Variants in RPS6KA1 observed in about 807,000 individuals in gnomAD.
The protein encoded by RPS6KA1 is ribosomal protein S6 kinase alpha-1.
RPS6KA1 carries 48 observed loss-of-function variants against 91.3 expected under a neutral mutation model. The ratio of observed to expected loss-of-function variants is 0.53; its 90% CI spans 0.42 to 0.67. The LOEUF (loss-of-function observed/expected upper bound fraction) is 0.67. Ranked by LOEUF, RPS6KA1 falls within the 30% of genes least tolerant of loss-of-function variation. The probability of loss-of-function intolerance (pLI) is 0.00; values close to 1 mark genes in which losing one functional copy is unlikely to be tolerated. For synonymous variants in RPS6KA1, 359 were observed against 384.7 expected (o/e 0.93, Z 0.78); for missense variants, 719 against 960.5 (o/e 0.75, Z 3.32).
In RPS6KA1 at chr1:26,571,271, G is replaced by T; in HGVS notation, c.1591-178G>T. 1 of 622,678 alleles carries T rather than the reference G, an allele frequency of 1.6e-6. No homozygotes were observed. Among genetic ancestry groups the T allele is most frequent in the Non-Finnish European group, 2.8e-6 (1 of 351,864 alleles). The allele number at this position is 622,678 out of a possible 1,614,324, so 38.6% of individuals were successfully genotyped here. A position where few individuals can be genotyped will look rare whatever the true frequency, so the allele number is the denominator to read the frequency against. ...AGAGCTACCTGTAGACACCTACACA[G>T]AGTCAGTAGCAGCAGCAATAAGACC... On this transcript the variant is annotated intron_variant, in intron 17 of 21. Coordinates refer to ENST00000374168, the MANE Select transcript of RPS6KA1 (RefSeq NM_002953.4). The surrounding 1 kb of genome is among the most constrained non-coding windows in gnomAD (Gnocchi z 5.1).
At chr1:26,536,282 C>T (rs1342168182) in intron 1 of RPS6KA1, among the ~76,000 whole-genome samples, 1 of 152,046 alleles carries the variant, frequency 6.6e-6, no homozygotes, top group Non-Finnish European at 1.5e-5. Flanking sequence ...CCTCGTGGGA[C>T]TCCCCATTTA....
At chr1:26,573,977 G>A in intron 21 of RPS6KA1, 102 bp from the exon 22 acceptor site, 1 of 1,339,044 alleles carries the variant, frequency 7.5e-7, no homozygotes. Flanking sequence ...AAAAAAAGTG[G>A]GCTGTGGAAC....
chr1:26,550,853 T>C (rs2076043512), intron 4 of RPS6KA1, among the ~76,000 whole-genome samples: 1 of 152,034 alleles, frequency 6.6e-6, no homozygotes, highest in Admixed American at 6.6e-5. Context: ...CCCAATAACT[T>C]GTATTATTTA....
At chr1:26,545,486 C>T (rs4255421) in intron 2 of RPS6KA1, among the ~76,000 whole-genome samples, 3,180 of 151,760 alleles carry the variant, frequency 0.021, 109 homozygotes, top group African/African-American at 0.073. Flanking sequence ...CTGTTTCCAC[C>T]TGTTGGGTGC....
rs772653965 is a variant in RPS6KA1, at chr1:26,547,284, C to T, written c.307+14C>T. ...CAACGCTGAAAGGTGAGTGGGGACA[C>T]CTCCCTGTGCAGAACCCAGGCTTGG... is the stretch of plus-strand genomic sequence containing the variant. On this transcript the variant is annotated intron_variant, in intron 4 of 21. Coordinates refer to ENST00000374168, the MANE Select transcript of RPS6KA1 (RefSeq NM_002953.4). The surrounding 1 kb of genome is among the most constrained non-coding windows in gnomAD (Gnocchi z 4.1). 1 of 1,610,344 alleles carries T rather than the reference C, an allele frequency of 6.2e-7. No homozygotes were observed. The highest frequency in any genetic ancestry group is 1.3e-5 in the African/African-American group (1 of 74,820).
intron 17 of RPS6KA1, among the ~76,000 whole-genome samples, chr1:26,566,279 C>CTTTTTT (rs371340177): frequency 7.1e-5 from 7 of 97,944 alleles, no homozygotes; most frequent in Admixed American, 1.2e-4. Context: ...CTCATTGTAG[C>CTTTTTT]TTTTTTTTTT....
intron 2 of RPS6KA1, among the ~76,000 whole-genome samples, chr1:26,541,682 T>C (rs939307376): frequency 6.6e-6 from 1 of 152,256 alleles, no homozygotes; most frequent in Non-Finnish European, 1.5e-5. Context: ...GCCAGGGAGC[T>C]GTGGACCCCT....
In RPS6KA1 at chr1:26,574,233, C is replaced by G; in HGVS notation, c.*32C>G. On this transcript the variant is annotated 3_prime_UTR_variant, in exon 22 of 22. Transcript: ENST00000374168. This position sits in a 1 kb window ranked among gnomAD's most constrained non-coding sequence, Gnocchi z 4.3. The stretch of plus-strand genomic sequence containing the variant: ...AGGGCATTCGGGCCACAGGGCGGTG[C>G]TAGCTTGACACAGTCAGCATGCTTC... 6.2e-7 allele frequency: 1 copy of G among 1,613,274 alleles called. No homozygotes were observed. The highest frequency in any genetic ancestry group is 8.5e-7 in the Non-Finnish European group (1 of 1,179,418).
intron 17 of RPS6KA1, among the ~76,000 whole-genome samples, chr1:26,562,019 A>G (rs534585335): frequency 6.6e-5 from 10 of 152,090 alleles, no homozygotes; most frequent in Non-Finnish European, 1.5e-4. Context: ...CCTGGCCAAC[A>G]TGGTGAAACC....
chr1:26,564,651 C>G (rs2076183533), intron 17 of RPS6KA1, among the ~76,000 whole-genome samples: 1 of 152,178 alleles, frequency 6.6e-6, no homozygotes, highest in East Asian at 1.9e-4. Flanking sequence ...CAGAATCTTG[C>G]ATGAGTCGAG....
chr1:26,547,014 A>T lies in RPS6KA1; in HGVS notation c.225+31A>T, dbSNP rs936044796. 1 of 1,588,738 alleles carries T rather than the reference A, an allele frequency of 6.3e-7. No individual in the cohort carries two copies. On this transcript the variant is annotated intron_variant, in intron 3 of 21. Coordinates refer to ENST00000374168, the MANE Select transcript of RPS6KA1 (RefSeq NM_002953.4). The surrounding 1 kb of genome is among the most constrained non-coding windows in gnomAD (Gnocchi z 4.1). ...TCATGAGCCCATAGCTGTGAAGGCA[A>T]CACTCGTCATGTTAGAGGTGGGGGT...
chr1:26,574,636 G>C lies in RPS6KA1; in HGVS notation c.*435G>C. 2.7e-6 allele frequency: 1 copy of C among 367,580 alleles called. No individual in the cohort carries two copies. Among genetic ancestry groups the C allele is most frequent in the Non-Finnish European group, 5.3e-6 (1 of 187,694 alleles). 22.8% of individuals were successfully genotyped at this position (367,580 alleles called of 1,614,324 possible). ...TGTAGCCATCTGCACACACCTCCGA[G>C]ACAGTCCAGTGTCACCTCTCTCAGA... On this transcript the variant is annotated 3_prime_UTR_variant, in exon 22 of 22. Coordinates refer to ENST00000374168, the MANE Select transcript of RPS6KA1 (RefSeq NM_002953.4). This position sits in a 1 kb window ranked among gnomAD's most constrained non-coding sequence, Gnocchi z 4.3.
intron 2 of RPS6KA1, chr1:26,545,874 C>G (rs759700029): frequency 2.1e-5 from 32 of 1,551,940 alleles, no homozygotes; most frequent in Non-Finnish European, 2.8e-5. Flanking sequence ...CCTGCTCCTG[C>G]CATGGTGCCG....
chr1:26,552,643 C>T (rs1481848840), intron 6 of RPS6KA1, among the ~76,000 whole-genome samples: 1 of 151,188 alleles, frequency 6.6e-6, no homozygotes, highest in Non-Finnish European at 1.5e-5. Flanking sequence ...CACGCCACCA[C>T]GCCTGGTTAA....
rs759252673 is a variant in RPS6KA1 at position 26,571,832 on chromosome 1, C to T, written c.1753-17C>T. ...ACTGCCCCCCCAGACTGACCACCTC[C>T]CCTGCCCTGTTGCCAGGTGCTGAAG... On this transcript the variant is annotated splice_polypyrimidine_tract_variant and intron_variant, in intron 18 of 21. Transcript: ENST00000374168. The surrounding 1 kb of genome is among the most constrained non-coding windows in gnomAD (Gnocchi z 5.1). 1 of 1,606,388 alleles carries T rather than the reference C, an allele frequency of 6.2e-7. No individual in the cohort carries two copies. Among genetic ancestry groups the T allele is most frequent in the Non-Finnish European group, 8.5e-7 (1 of 1,179,246 alleles).
intron 4 of RPS6KA1, among the ~76,000 whole-genome samples, chr1:26,548,833 G>T (rs1233362720): frequency 6.6e-6 from 1 of 151,656 alleles, no homozygotes; most frequent in Non-Finnish European, 1.5e-5. Flanking sequence ...AAAATGTAAG[G>T]TGACCAAAAT....
At chr1:26,536,193 C>T (rs1270110346) in intron 1 of RPS6KA1, among the ~76,000 whole-genome samples, 1 of 148,956 alleles carries the variant, frequency 6.7e-6, no homozygotes, top group African/African-American at 2.5e-5. Context: ...GCCACAGGTG[C>T]GAGGCACTGA....
intron 17 of RPS6KA1, among the ~76,000 whole-genome samples, chr1:26,567,840 A>G (rs769530446): frequency 5.3e-5 from 8 of 152,082 alleles, no homozygotes; most frequent in Admixed American, 1.3e-4. Flanking sequence ...GTTGAATACT[A>G]TTATCAGCCC....
At chr1:26,549,793 G>T (rs891767614) in intron 4 of RPS6KA1, among the ~76,000 whole-genome samples, 1 of 140,422 alleles carries the variant, frequency 7.1e-6, no homozygotes. Context: ...CCTCCGCTCC[G>T]CAGGTTCAGG....
Sources: allele counts gnomAD v4.1 joint callset (sites outside exome capture counted in the v4.1 genomes callset), GRCh38; gene constraint gnomAD v4.1.1; non-coding constraint Gnocchi (gnomAD v3.1); transcripts MANE v1.5; gene names NCBI Gene and HGNC (gene_info 2026-07-23, HGNC 2026-07-21).